HNRNPR: variants seen among roughly 807,000 people sequenced by gnomAD.
The protein encoded by HNRNPR is heterogeneous nuclear ribonucleoprotein R.
A neutral mutation model predicts 70.3 loss-of-function variants in HNRNPR; 4 were observed. The observed-to-expected ratio is 0.06, with a 90% CI of 0.03 to 0.13. The LOEUF (loss-of-function observed/expected upper bound fraction) is 0.13, where lower values mean the gene tolerates loss of function less well. Ranked by LOEUF, HNRNPR falls within the 10% of genes least tolerant of loss-of-function variation. The pLI, the probability that HNRNPR is intolerant of heterozygous loss-of-function variation, is 1.00. For synonymous variants in HNRNPR, 241 were observed against 267.6 expected (o/e 0.90, Z 0.97); for missense variants, 423 against 788.5 (o/e 0.54, Z 5.55).
chr1:23,331,092 G>A (rs1297932569), intron 5 of HNRNPR, among the ~76,000 whole-genome samples: 1 of 152,168 alleles, frequency 6.6e-6, no homozygotes, highest in Non-Finnish European at 1.5e-5. Context: ...CTTGACAGGA[G>A]TGGTTTTAGG....
At chr1:23,311,119 C>T (rs1345482841) in intron 10 of HNRNPR, 53 bp from the exon 11 acceptor site, 6 of 1,607,840 alleles carry the variant, frequency 3.7e-6, no homozygotes, top group Non-Finnish European at 5.1e-6. Flanking sequence ...TGCTTCAAGA[C>T]TCTGATTTTG....
At chr1:23,317,441 GC>G (rs1645590775) in intron 8 of HNRNPR, among the ~76,000 whole-genome samples, 1 of 151,656 alleles carries the variant, frequency 6.6e-6, no homozygotes, top group African/African-American at 2.4e-5. Flanking sequence ...CTGGGACAAA[GC>G]AAGACTCCAT....
rs367940950 is a variant in HNRNPR, at chr1:23,310,712, A to G, written c.1644T>C (p.Gly548=). The G allele has an allele frequency of 5.0e-6, 8 of 1,608,258 alleles. 1 individual carries two copies. The highest frequency in any genetic ancestry group is 1.7e-5 in the Admixed American group (1 of 59,400). ...PPRGSRGGRG[G]PAQQQRGRGS... The stretch of plus-strand genomic sequence containing the variant: ...CACGGCCTCTCTGCTGTTGAGCAGG[A>G]CCCCCTCTGCCACCCCTAGAGCCTC... Residue 548 remains glycine, a synonymous_variant, in exon 11 of 11, where the codon GGT becomes GGC. Coordinates refer to ENST00000302271, the MANE Select transcript of HNRNPR (RefSeq NM_005826.5). This position sits in a 1 kb window ranked among gnomAD's most constrained non-coding sequence, Gnocchi z 6.0.
At position 23,323,548 on chromosome 1, in the gene HNRNPR, T is replaced by C; in HGVS notation, c.675+8A>G. Reference sequence around the variant, plus strand: ...GACTTGCTAAGACAGTGGATAATTATCACATACCAGTTTCACGGCTTCCTG... The same window carrying C: ...GACTTGCTAAGACAGTGGATAATTACCACATACCAGTTTCACGGCTTCCTG... On this transcript the variant is annotated splice_region_variant and intron_variant, in intron 6 of 10. Coordinates refer to ENST00000302271, the MANE Select transcript of HNRNPR (RefSeq NM_005826.5). 1 of 1,610,708 alleles carries C rather than the reference T, an allele frequency of 6.2e-7. No individual in the cohort carries two copies. The highest frequency in any genetic ancestry group is 8.5e-7 in the Non-Finnish European group (1 of 1,177,422).
intron 5 of HNRNPR, among the ~76,000 whole-genome samples, chr1:23,329,354 C>T (rs1424933374): frequency 6.6e-6 from 1 of 152,162 alleles, no homozygotes; most frequent in Admixed American, 6.5e-5. Context: ...TTTTTAAGCT[C>T]AATTTTTAAT....
chr1:23,317,541 GA>G (rs1645596671), intron 8 of HNRNPR, among the ~76,000 whole-genome samples: 1 of 152,140 alleles, frequency 6.6e-6, no homozygotes, highest in African/African-American at 2.4e-5. Context: ...CCACTATTAA[GA>G]TCCTGGCAAC....
intron 4 of HNRNPR, 40 bp downstream of exon 4, chr1:23,337,714 T>A (rs1448042865): frequency 8.4e-7 from 1 of 1,189,358 alleles, no homozygotes; most frequent in Non-Finnish European, 1.2e-6. Context: ...ACCTCATCAT[T>A]AAATGCAATT....
rs769056638 is a variant in HNRNPR at position 23,333,521 on chromosome 1, C to T, written c.495G>A (p.Thr165=). The change falls in exon 5 of 11, where the codon ACG becomes ACA. Residue 165 remains threonine, a synonymous_variant. Transcript: ENST00000302271. ...TAAACTGCTAAAGAACACTTACCTCCGTTCCAATTCCAGGTTGCACGCCAG... is the reference window on the plus strand; with the variant it reads ...TAAACTGCTAAAGAACACTTACCTCTGTTCCAATTCCAGGTTGCACGCCAG... The part of the protein sequence containing the change: ...VYSGVQPGIG[T]EVFVGKIPRD... 5.7e-6 allele frequency: 9 copies of T among 1,592,110 alleles called. No homozygotes were observed. In the East Asian group the frequency reaches 6.7e-5, roughly 12 times the overall value.
At position 23,308,165 on chromosome 1, in the gene HNRNPR, C is replaced by A. The variant is rs1158946081; in HGVS notation, c.*2289G>T. The A allele has an allele frequency of 6.6e-6, 1 of 151,928 alleles. No individual in the cohort carries two copies. The highest frequency in any genetic ancestry group is 2.4e-5 in the African/African-American group (1 of 41,388). The allele number at this position is 151,928 out of a possible 1,614,324, so 9.4% of individuals were successfully genotyped here. A position where few individuals can be genotyped will look rare whatever the true frequency, so the allele number is the denominator to read the frequency against. On this transcript the variant is annotated 3_prime_UTR_variant, in exon 11 of 11. Coordinates refer to ENST00000302271, the MANE Select transcript of HNRNPR (RefSeq NM_005826.5). Reference sequence around the variant, plus strand: ...AACCAAATATTAGAGGGTACCTCTGCAAATATATTTTTAATTAGTGAAAAG... The same window carrying A: ...AACCAAATATTAGAGGGTACCTCTGAAAATATATTTTTAATTAGTGAAAAG...
chr1:23,332,131 AGAGAGGG>A (rs372481288), intron 5 of HNRNPR, among the ~76,000 whole-genome samples: 30 of 151,976 alleles, frequency 2.0e-4, no homozygotes, highest in African/African-American at 5.3e-4. Flanking sequence ...GACTGAATGG[AGAGAGGG>A]GAGAGGGGAG....
Position 23,343,753 on chromosome 1 carries a change from C to A in HNRNPR, c.-10+458G>T, listed in dbSNP as rs555179624. On this transcript the variant is annotated intron_variant, in intron 1 of 10. Transcript: ENST00000302271. Reference sequence around the variant, plus strand: ...TCAGATAACCCTGGGATCTGCACCCCGCCTTCCGCCCCCCACCCCCATCCC... The same window carrying A: ...TCAGATAACCCTGGGATCTGCACCCAGCCTTCCGCCCCCCACCCCCATCCC... Among the ~76,000 whole-genome samples the A allele has an allele frequency of 3.2e-4, 48 of 152,334 alleles. No individual in the cohort carries two copies. In the East Asian group the frequency reaches 9.3e-3, roughly 29 times the overall value.
At chr1:23,315,332 T>G (rs760988401) in intron 8 of HNRNPR, among the ~76,000 whole-genome samples, 6 of 147,344 alleles carry the variant, frequency 4.1e-5, no homozygotes, top group Non-Finnish European at 7.4e-5. Flanking sequence ...GAAGAGGAGC[T>G]CTATGAGTTG....
rs934190269 is a variant in HNRNPR at position 23,305,968 on chromosome 1, TG to T, written c.*4485del. Reference sequence around the variant, plus strand: ...GGAAGATTTTTAAAAATAGTATCTTTGGTGTTTAAGCCCTCCATTCTATCAA... The same window carrying T: ...GGAAGATTTTTAAAAATAGTATCTTTGTGTTTAAGCCCTCCATTCTATCAA... On this transcript the variant is annotated 3_prime_UTR_variant, in exon 11 of 11. Transcript: ENST00000302271. The T allele has an allele frequency of 1.3e-5, 2 of 152,220 alleles. No homozygotes were observed. The highest frequency in any genetic ancestry group is 2.9e-5 in the Non-Finnish European group (2 of 68,026). The allele number at this position is 152,220 out of a possible 1,614,324, so 9.4% of individuals were successfully genotyped here. A position where few individuals can be genotyped will look rare whatever the true frequency, so the allele number is the denominator to read the frequency against.
At chr1:23,333,799 T>C (rs1646342297) in intron 4 of HNRNPR, among the ~76,000 whole-genome samples, 168 bp from the exon 5 acceptor site, 1 of 152,222 alleles carries the variant, frequency 6.6e-6, no homozygotes, top group African/African-American at 2.4e-5. Context: ...ATGTTTCTAC[T>C]GGTGAGTCTT....
chr1:23,337,972 G>T, intron 3 of HNRNPR, 111 bp from the exon 4 acceptor site: 1 of 706,722 alleles, frequency 1.4e-6, no homozygotes, highest in South Asian at 1.8e-5. Flanking sequence ...AAGATTTACT[G>T]ATTCATTCAA....
At chr1:23,323,494 T>C (rs1244985454) in intron 6 of HNRNPR, 62 bp downstream of exon 6, 18 of 1,453,648 alleles carry the variant, frequency 1.2e-5, no homozygotes, top group East Asian at 2.3e-5. Flanking sequence ...ACAAACATTT[T>C]TGAATTAAAG....
chr1:23,311,400 T>C, intron 9 of HNRNPR, 78 bp from the exon 10 acceptor site: 1 of 924,630 alleles, frequency 1.1e-6, no homozygotes, highest in Non-Finnish European at 1.6e-6. Flanking sequence ...GCTATTATAC[T>C]TGTGTAATTT....
chr1:23,315,081 A>C (rs1569914522), intron 8 of HNRNPR, among the ~76,000 whole-genome samples: 1 of 152,190 alleles, frequency 6.6e-6, no homozygotes, highest in Admixed American at 6.5e-5. Context: ...GGAGTTCAAG[A>C]CCAGCCTGGC....
At chr1:23,330,480 A>AG (rs1646173535) in intron 5 of HNRNPR, among the ~76,000 whole-genome samples, 1 of 152,136 alleles carries the variant, frequency 6.6e-6, no homozygotes, top group Admixed American at 6.5e-5. Flanking sequence ...GGTTGCAGTG[A>AG]GCCGAGATCG....
Sources: gnomAD v4.1 joint callset for allele counts (sites outside exome capture counted in the v4.1 genomes callset) on GRCh38, gnomAD v4.1.1 for gene constraint, Gnocchi (gnomAD v3.1) non-coding constraint, MANE v1.5 for transcripts, NCBI Gene and HGNC (gene_info 2026-07-23, HGNC 2026-07-21) for gene names.